Variants in MAP3K14 observed in about 807,000 individuals in gnomAD.
MAP3K14 encodes the protein NF-kappa-beta-inducing kinase.
A neutral mutation model predicts 99.2 loss-of-function variants in MAP3K14; 16 were observed. The observed-to-expected ratio is 0.16, with a 90% CI of 0.11 to 0.24. The LOEUF is 0.24. MAP3K14 is among the 10% of genes least tolerant of loss of function. The pLI is 1.00. For synonymous variants in MAP3K14, 462 were observed against 492.4 expected (o/e 0.94, Z 0.82); for missense variants, 784 against 1,208.7 (o/e 0.65, Z 5.21).
intron 6 of MAP3K14, among the ~76,000 whole-genome samples, chr17:45,276,760 A>G (rs975407073): frequency 2.0e-5 from 3 of 146,786 alleles, no homozygotes; most frequent in African/African-American, 7.6e-5. Flanking sequence ...TGATCCGCCT[A>G]CCTTGGCCTC....
In MAP3K14 at chr17:45,272,726, G is replaced by T. The variant is rs1206320082; in HGVS notation, c.1657+777C>A. 6.6e-6 allele frequency among the ~76,000 whole-genome samples: 1 copy of T among 152,192 alleles called. No individual in the cohort carries two copies. The highest frequency in any genetic ancestry group is 2.4e-5 in the African/African-American group (1 of 41,474). ...AGGCTGAGTGGGGCGGATCACCTAA[G>T]GTCTGGAGTTTGAGACTGGCCTGGC... On this transcript the variant is annotated intron_variant, in intron 9 of 15. Transcript: ENST00000344686. The surrounding 1 kb of genome is among the most constrained non-coding windows in gnomAD (Gnocchi z 4.1).
At chr17:45,270,912 G>A in intron 10 of MAP3K14, 146 bp downstream of exon 10, 1 of 1,148,750 alleles carries the variant, frequency 8.7e-7, no homozygotes, top group Non-Finnish European at 1.2e-6. Flanking sequence ...AGATTTGGGT[G>A]GCAAGTATTT....
chr17:45,305,411 T>C (rs2044423577), intron 1 of MAP3K14, among the ~76,000 whole-genome samples: 1 of 150,650 alleles, frequency 6.6e-6, no homozygotes, highest in Non-Finnish European at 1.5e-5. Context: ...TTTTTTTTTT[T>C]TTGTGAGACA....
intron 5 of MAP3K14, 92 bp from the exon 6 acceptor site, chr17:45,285,041 C>A: frequency 7.2e-7 from 1 of 1,392,288 alleles, no homozygotes; most frequent in Non-Finnish European, 9.8e-7. Flanking sequence ...AGCTGGTGAC[C>A]TTGCCAGGGC....
At chr17:45,314,274 A>G (rs1018291965) in intron 1 of MAP3K14, among the ~76,000 whole-genome samples, 1 of 152,242 alleles carries the variant, frequency 6.6e-6, no homozygotes, top group Admixed American at 6.5e-5. Context: ...TCAGCATTTT[A>G]GCCAGCATCA....
rs1172676033 is a variant in MAP3K14 at position 45,264,432 on chromosome 17, C to G, written c.*204G>C. The G allele has an allele frequency of 3.4e-6, 2 of 591,920 alleles. No individual in the cohort carries two copies. The highest frequency in any genetic ancestry group is 3.8e-5 in the African/African-American group (2 of 53,086). The allele number at this position is 591,920 out of a possible 1,614,324, so 36.7% of individuals were successfully genotyped here. A position where few individuals can be genotyped will look rare whatever the true frequency, so the allele number is the denominator to read the frequency against. On this transcript the variant is annotated 3_prime_UTR_variant, in exon 16 of 16. Transcript: ENST00000344686. ...CTCTTCACGTGGCGGAGTGTTTTCT[C>G]AGCAGGGTGGGGCAGGGCTCAGGTG... is the stretch of plus-strand genomic sequence containing the variant.
chr17:45,265,800 A>G (rs1056806007), intron 14 of MAP3K14, among the ~76,000 whole-genome samples: 7 of 152,182 alleles, frequency 4.6e-5, no homozygotes, highest in Non-Finnish European at 8.8e-5. Context: ...TATTATATAC[A>G]CCTGCTAGTT....
intron 6 of MAP3K14, among the ~76,000 whole-genome samples, chr17:45,280,494 A>C (rs1598251043): frequency 6.6e-6 from 1 of 151,918 alleles, no homozygotes; most frequent in Non-Finnish European, 1.5e-5. Context: ...TAATAGAGAC[A>C]GGGTTTCTCC....
intron 3 of MAP3K14, among the ~76,000 whole-genome samples, chr17:45,288,140 A>G (rs2044282196): frequency 6.6e-6 from 1 of 152,138 alleles, no homozygotes; most frequent in Non-Finnish European, 1.5e-5. Flanking sequence ...AGTCCTGGGG[A>G]CCACTGGAGG....
At chr17:45,270,840 G>A (rs919285804) in intron 10 of MAP3K14, 8 of 791,006 alleles carry the variant, frequency 1.0e-5, no homozygotes, top group Non-Finnish European at 1.6e-5. Context: ...ATGGACAGAA[G>A]AGAGTTCTCA....
chr17:45,269,947 C>T (rs1440224989), intron 11 of MAP3K14, among the ~76,000 whole-genome samples: 1 of 152,158 alleles, frequency 6.6e-6, no homozygotes, highest in African/African-American at 2.4e-5. Context: ...CAGGTAAACA[C>T]GTGGGCCTGA....
intron 1 of MAP3K14, among the ~76,000 whole-genome samples, chr17:45,293,617 A>G (rs572646256): frequency 5.3e-5 from 8 of 152,332 alleles, no homozygotes; most frequent in African/African-American, 2.4e-5. Context: ...TGTGAAGGAC[A>G]TGGGGAAAAC....
At chr17:45,273,834 A>T in intron 8 of MAP3K14, 1 of 650,710 alleles carries the variant, frequency 1.5e-6, no homozygotes. Context: ...AGCAGGGTTT[A>T]CTCGGGAACG....
intron 2 of MAP3K14, 78 bp downstream of exon 2, chr17:45,290,412 T>C (rs1211400949): frequency 2.6e-6 from 4 of 1,560,228 alleles, no homozygotes; most frequent in Admixed American, 1.8e-5. Context: ...CTCTCCTCCA[T>C]AGGGAACCCC....
At chr17:45,305,811 C>A (rs2044426301) in intron 1 of MAP3K14, among the ~76,000 whole-genome samples, 1 of 152,328 alleles carries the variant, frequency 6.6e-6, no homozygotes, top group South Asian at 2.1e-4. Flanking sequence ...GTGGTCAAAG[C>A]AGGAGGAGGA....
chr17:45,265,658 G>T (rs1305532392), intron 14 of MAP3K14, among the ~76,000 whole-genome samples: 1 of 152,044 alleles, frequency 6.6e-6, no homozygotes, highest in Admixed American at 6.6e-5. Context: ...GGCTGGTCTC[G>T]AACCCCTGAC....
chr17:45,273,881 G>A, intron 8 of MAP3K14: 1 of 639,078 alleles, frequency 1.6e-6, no homozygotes, highest in East Asian at 2.8e-5. Flanking sequence ...CCCATACCAG[G>A]GGTCACCAGT....
At chr17:45,279,722 CTCT>C (rs771609496) in intron 6 of MAP3K14, among the ~76,000 whole-genome samples, 9 of 151,950 alleles carry the variant, frequency 5.9e-5, no homozygotes, top group Admixed American at 2.6e-4. Context: ...CGCACCCAGC[CTCT>C]TCTTTGGTAT....
chr17:45,299,807 C>T (rs1034547868), intron 1 of MAP3K14, among the ~76,000 whole-genome samples: 4 of 152,116 alleles, frequency 2.6e-5, no homozygotes, highest in Admixed American at 2.0e-4. Flanking sequence ...AACTCAGTCT[C>T]GGCCAGGCAT....
Sources: allele counts gnomAD v4.1 joint callset (sites outside exome capture counted in the v4.1 genomes callset), GRCh38; gene constraint gnomAD v4.1.1; non-coding constraint Gnocchi (gnomAD v3.1); transcripts MANE v1.5; gene names NCBI Gene and HGNC (gene_info 2026-07-23, HGNC 2026-07-21).